KCNH8: variants seen among roughly 807,000 people sequenced by gnomAD.
KCNH8 encodes the protein potassium voltage-gated channel subfamily H member 8, also known as voltage-gated delayed rectifier potassium channel KCNH8.
A neutral mutation model predicts 103.6 loss-of-function variants in KCNH8; 70 were observed. The ratio of observed to expected loss-of-function variants is 0.68; its 90% confidence interval spans 0.56 to 0.82. The LOEUF (loss-of-function observed/expected upper bound fraction) is 0.82. Ranked by LOEUF, KCNH8 falls within the 40% of genes least tolerant of loss-of-function variation. The pLI is 0.00. For missense variants in KCNH8, 1,217 were observed against 1,329.9 expected (o/e 0.92, Z 1.32); for synonymous variants, 498 against 489.4 (o/e 1.02, Z -0.23).
At chr3:19,469,989 C>T (rs1471183686) in intron 11 of KCNH8, among the ~76,000 whole-genome samples, 2 of 152,088 alleles carry the variant, frequency 1.3e-5, no homozygotes, top group Non-Finnish European at 2.9e-5. Flanking sequence ...AGACTCCTAC[C>T]TCAGAAAAAT....
At chr3:19,242,871 G>T (rs1297231156) in intron 1 of KCNH8, among the ~76,000 whole-genome samples, 2 of 152,144 alleles carry the variant, frequency 1.3e-5, no homozygotes, top group Admixed American at 6.5e-5. Flanking sequence ...TTGAGAAACC[G>T]TGGGTTTGGT....
At chr3:19,272,356 C>T (rs1360869040) in intron 2 of KCNH8, among the ~76,000 whole-genome samples, 4 of 152,114 alleles carry the variant, frequency 2.6e-5, no homozygotes, top group South Asian at 2.1e-4. Context: ...AATTATGTCA[C>T]CTCAGAATGT....
chr3:19,375,467 A>C (rs558202315), intron 5 of KCNH8, among the ~76,000 whole-genome samples: 1 of 150,728 alleles, frequency 6.6e-6, no homozygotes, highest in East Asian at 2.0e-4. Flanking sequence ...CAGCTCCTTT[A>C]AGCACTTCTC....
intron 7 of KCNH8, among the ~76,000 whole-genome samples, chr3:19,396,066 C>T (rs1211306540): frequency 6.6e-6 from 1 of 151,992 alleles, no homozygotes; most frequent in African/African-American, 2.4e-5. Context: ...TTCTCACAGT[C>T]ATACCCTTTA....
rs113983771 is a variant in KCNH8 at position 19,217,005 on chromosome 3, C to A, written c.77-36649C>A. On this transcript the variant is annotated intron_variant, in intron 1 of 15. Transcript: ENST00000328405. ...TGTGAAGGTAGAAAAGATATTTAAC[C>A]TCTTTGAGATCATTTCTTCATCTTT... 1.5e-3 allele frequency among the ~76,000 whole-genome samples: 236 copies of A among 152,300 alleles called. 2 individuals carry two copies. Among genetic ancestry groups the A allele is most frequent in the African/African-American group, 5.0e-3 (209 of 41,570 alleles).
intron 1 of KCNH8, among the ~76,000 whole-genome samples, chr3:19,245,650 T>A (rs1346787603): frequency 2.6e-5 from 4 of 152,152 alleles, no homozygotes; most frequent in African/African-American, 9.7e-5. Flanking sequence ...TGGTAGAGAT[T>A]TTTTTTAACT....
intron 1 of KCNH8, among the ~76,000 whole-genome samples, chr3:19,246,308 C>T (rs1303724740): frequency 1.7e-5 from 2 of 120,026 alleles, no homozygotes; most frequent in South Asian, 2.8e-4. Context: ...GATGGAGTCT[C>T]GCTCTGTCGC....
At chr3:19,478,116 T>C (rs939277541) in intron 11 of KCNH8, among the ~76,000 whole-genome samples, 2 of 152,170 alleles carry the variant, frequency 1.3e-5, no homozygotes, top group Admixed American at 1.3e-4. Flanking sequence ...CCTAGTAGTA[T>C]TCCATGGTTT....
chr3:19,433,922 G>A (rs1372546368), intron 7 of KCNH8, among the ~76,000 whole-genome samples: 1 of 152,198 alleles, frequency 6.6e-6, no homozygotes, highest in African/African-American at 2.4e-5. Flanking sequence ...TGGGAACTAA[G>A]TCTCTAACCT....
intron 3 of KCNH8, among the ~76,000 whole-genome samples, chr3:19,317,190 A>T (rs138325735): frequency 0.011 from 1,697 of 151,998 alleles, 11 homozygotes; most frequent in Non-Finnish European, 0.018. Flanking sequence ...CTAGTGGGAA[A>T]ATACTGTATT....
chr3:19,341,378 A>T (rs2065657718), intron 3 of KCNH8, among the ~76,000 whole-genome samples: 1 of 151,982 alleles, frequency 6.6e-6, no homozygotes, highest in South Asian at 2.1e-4. Context: ...TTTCAGAGAG[A>T]CAGTTTAGCA....
At chr3:19,479,494 T>C (rs545224735) in intron 11 of KCNH8, among the ~76,000 whole-genome samples, 5 of 152,286 alleles carry the variant, frequency 3.3e-5, no homozygotes, top group South Asian at 4.1e-4. Flanking sequence ...ATCTCTTCTT[T>C]AGATTAGATG....
chr3:19,281,840 G>C (rs560006257), intron 3 of KCNH8, among the ~76,000 whole-genome samples: 2 of 152,064 alleles, frequency 1.3e-5, no homozygotes, highest in African/African-American at 4.8e-5. Flanking sequence ...TATAATACTT[G>C]GTTTTAAGAC....
chr3:19,286,415 G>T (rs2064832882), intron 3 of KCNH8, among the ~76,000 whole-genome samples: 1 of 152,140 alleles, frequency 6.6e-6, no homozygotes, highest in South Asian at 2.1e-4. Flanking sequence ...CTGACCATGG[G>T]AACAGAACAG....
chr3:19,486,471 C>T (rs1559351467), intron 11 of KCNH8, among the ~76,000 whole-genome samples: 2 of 152,222 alleles, frequency 1.3e-5, no homozygotes, highest in African/African-American at 2.4e-5. Context: ...GCCGTTGCTG[C>T]CAGGGCCCTT....
intron 11 of KCNH8, 68 bp from the exon 12 acceptor site, chr3:19,510,295 C>T: frequency 1.1e-6 from 1 of 931,178 alleles, no homozygotes; most frequent in Non-Finnish European, 1.8e-6. Context: ...CCTCTGCCTG[C>T]TGCATTTCAC....
At chr3:19,498,747 G>C (rs1197648485) in intron 11 of KCNH8, among the ~76,000 whole-genome samples, 1 of 152,152 alleles carries the variant, frequency 6.6e-6, no homozygotes, top group South Asian at 2.1e-4. Context: ...GTGATGTACA[G>C]ATGGGTTTTT....
At position 19,448,572 on chromosome 3, in the gene KCNH8, G is replaced by T. The variant is rs934651078; in HGVS notation, c.1376-1534G>T. Among the ~76,000 whole-genome samples, 49 of 152,002 alleles carry T rather than the reference G, an allele frequency of 3.2e-4. 1 individual carries two copies. Among genetic ancestry groups the T allele is most frequent in the Non-Finnish European group, 1.3e-4 (9 of 67,950 alleles). ...TGGTAATTTCTGATAAATGTAGGGG[G>T]AGAACAAGATTTGAATTGGGGAGGT... is the stretch of plus-strand genomic sequence containing the variant. On this transcript the variant is annotated intron_variant, in intron 8 of 15. Coordinates refer to ENST00000328405, the MANE Select transcript of KCNH8 (RefSeq NM_144633.3).
intron 11 of KCNH8, among the ~76,000 whole-genome samples, chr3:19,465,058 G>T (rs2067707836): frequency 6.6e-6 from 1 of 152,074 alleles, no homozygotes; most frequent in African/African-American, 2.4e-5. Context: ...CTTTTATTCT[G>T]CTTCTCTATA....
Sources: gnomAD v4.1 joint callset for allele counts (sites outside exome capture counted in the v4.1 genomes callset) on GRCh38, gnomAD v4.1.1 for gene constraint, MANE v1.5 for transcripts, NCBI Gene and HGNC (gene_info 2026-07-23, HGNC 2026-07-21) for gene names.